The following CCDC12 variants were observed in gnomAD, a reference collection of about 807,000 sequenced individuals.
The protein encoded by CCDC12 is coiled-coil domain-containing protein 12.
Under a neutral mutation model 25.7 loss-of-function variants are expected in CCDC12, and 28 were observed. The ratio of observed to expected loss-of-function variants is 1.09; its 90% CI spans 0.81 to 1.50. The LOEUF is 1.50. Ranked by LOEUF, CCDC12 falls within the 40% of genes most tolerant of loss-of-function variation. CCDC12 has a pLI of 0.00. For synonymous variants in CCDC12, 75 were observed against 87.7 expected, an observed-to-expected ratio of 0.86 and a Z score of 0.81; for missense variants, 198 against 210.0, an observed-to-expected ratio of 0.94 and a Z score of 0.35.
chr3:46,973,751 T>C (rs906310814), intron 1 of CCDC12, among the ~76,000 whole-genome samples: 4 of 151,720 alleles, frequency 2.6e-5, no homozygotes, highest in Admixed American at 1.3e-4. Flanking sequence ...TAGCTGGGAC[T>C]ACAGGCGCCC....
intron 2 of CCDC12, among the ~76,000 whole-genome samples, chr3:46,931,727 CAGAG>C (rs1367790788): frequency 6.6e-6 from 1 of 152,228 alleles, no homozygotes; most frequent in Non-Finnish European, 1.5e-5. Flanking sequence ...CATCAAGGGC[CAGAG>C]AGAGAACTGC....
upstream of CCDC12, among the ~76,000 whole-genome samples, chr3:46,979,134 A>G (rs949573801): frequency 6.6e-6 from 1 of 151,966 alleles, no homozygotes; most frequent in Non-Finnish European, 1.5e-5. Context: ...AGGGAGGGGG[A>G]CCCGTGGCAA....
chr3:46,976,726 C>T lies in CCDC12; in HGVS notation c.7G>A (p.Ala3Thr). ...AGCCGGCCCACACCAGCCGTAGTTG[C>T]CTCCATCTTGCCCGCGTACGCCCCT... ME[A>T]TTAGVGRLEE... The change falls in exon 1 of 7, where the codon GCA (alanine) becomes ACA (threonine). Residue 3 changes from alanine to threonine, a missense_variant. Physicochemically the swap from Ala to Thr is moderately conservative, Grantham distance 58 (BLOSUM62 0). Coordinates refer to ENST00000683445, the MANE Select transcript of CCDC12 (RefSeq NM_001277074.2). 1.2e-6 allele frequency: 2 copies of T among 1,606,746 alleles called. No homozygotes were observed. The highest frequency in any genetic ancestry group is 1.7e-6 in the Non-Finnish European group (2 of 1,176,662).
chr3:46,971,259 C>T (rs772186909), intron 1 of CCDC12, among the ~76,000 whole-genome samples: 1 of 152,254 alleles, frequency 6.6e-6, no homozygotes, highest in Non-Finnish European at 1.5e-5. Context: ...AGAAAATGAA[C>T]CCCAGCAGTA....
intron 3 of CCDC12, chr3:46,925,146 A>T: frequency 1.9e-6 from 1 of 526,370 alleles, no homozygotes; most frequent in Non-Finnish European, 3.7e-6. Context: ...GACCACATCC[A>T]CTTCTCAGCC....
chr3:46,949,202 G>A (rs779598616), intron 1 of CCDC12, among the ~76,000 whole-genome samples: 3 of 152,164 alleles, frequency 2.0e-5, no homozygotes, highest in Non-Finnish European at 4.4e-5. Flanking sequence ...TTTTTGGGTG[G>A]CATTAAGAGG....
chr3:46,936,799 T>C (rs974195933), intron 2 of CCDC12, among the ~76,000 whole-genome samples: 3 of 152,024 alleles, frequency 2.0e-5, no homozygotes, highest in Non-Finnish European at 2.9e-5. Flanking sequence ...GGACACTGAG[T>C]GACCTGGAGA....
upstream of CCDC12, among the ~76,000 whole-genome samples, chr3:46,977,563 A>C (rs1319267521): frequency 6.6e-6 from 1 of 151,108 alleles, no homozygotes; most frequent in Admixed American, 6.6e-5. Context: ...TGCAGCTGTC[A>C]GTGGCTCCCC....
At chr3:46,964,815 T>C (rs552073324) in intron 1 of CCDC12, among the ~76,000 whole-genome samples, 3 of 152,028 alleles carry the variant, frequency 2.0e-5, no homozygotes, top group Admixed American at 6.6e-5. Context: ...CAAACACTGC[T>C]GAAGGCCGCA....
chr3:46,976,913 G>GCCCCGCCCCT, upstream of CCDC12: 4 of 809,278 alleles, frequency 4.9e-6, no homozygotes, highest in South Asian at 1.3e-4. Context: ...GCCCCGCCCC[G>GCCCCGCCCCT]CCCTTATTCT....
chr3:46,943,557 A>C (rs1303392501), intron 1 of CCDC12, among the ~76,000 whole-genome samples: 1 of 152,238 alleles, frequency 6.6e-6, no homozygotes, highest in Admixed American at 6.5e-5. Context: ...GTAGGTGGGG[A>C]CTACGGGAAA....
intron 1 of CCDC12, chr3:46,976,329 C>G (rs1427002346): frequency 7.8e-7 from 1 of 1,285,026 alleles, no homozygotes; most frequent in African/African-American, 1.5e-5. Flanking sequence ...GCATCTGAAC[C>G]TACAGGCAGC....
intron 2 of CCDC12, among the ~76,000 whole-genome samples, chr3:46,940,033 C>A (rs1365802399): frequency 6.6e-6 from 1 of 152,196 alleles, no homozygotes; most frequent in East Asian, 1.9e-4. Flanking sequence ...ATCAAGGCAA[C>A]CTGTCCAGAA....
chr3:46,926,234 C>T (rs554357306), intron 2 of CCDC12, among the ~76,000 whole-genome samples: 1 of 152,284 alleles, frequency 6.6e-6, no homozygotes, highest in Admixed American at 6.5e-5. Flanking sequence ...GGAGGTGGCG[C>T]CTGGGCCTGC....
intron 2 of CCDC12, among the ~76,000 whole-genome samples, chr3:46,931,625 G>A (rs2033220079): frequency 6.6e-6 from 1 of 152,220 alleles, no homozygotes; most frequent in Admixed American, 6.5e-5. Flanking sequence ...GGGAGGCAGA[G>A]AGGATAAGGA....
At chr3:46,940,906 A>T in intron 2 of CCDC12, 92 bp downstream of exon 2, 1 of 1,209,192 alleles carries the variant, frequency 8.3e-7, no homozygotes, top group South Asian at 1.2e-5. Context: ...GGAACAGGGC[A>T]GACACTGAAC....
upstream of CCDC12, chr3:46,976,787 A>G: frequency 6.4e-7 from 1 of 1,556,734 alleles, no homozygotes; most frequent in Non-Finnish European, 8.7e-7. Context: ...AGGCCTAAGG[A>G]GAGTGGATAA....
intron 1 of CCDC12, among the ~76,000 whole-genome samples, chr3:46,975,351 A>G (rs1168637894): frequency 6.6e-6 from 1 of 151,562 alleles, no homozygotes; most frequent in Non-Finnish European, 1.5e-5. Flanking sequence ...CACCTGGCTA[A>G]TTTTTGTATT....
At chr3:46,942,899 G>C (rs920537647) in intron 1 of CCDC12, among the ~76,000 whole-genome samples, 1 of 152,142 alleles carries the variant, frequency 6.6e-6, no homozygotes, top group African/African-American at 2.4e-5. Context: ...GGGCATTCCC[G>C]GTGGGAAGCA....
Sources: allele counts gnomAD v4.1 joint callset (sites outside exome capture counted in the v4.1 genomes callset), GRCh38; gene constraint gnomAD v4.1.1; transcripts MANE v1.5; gene names NCBI Gene and HGNC (gene_info 2026-07-23, HGNC 2026-07-21).